Variants in PLCE1 observed in about 807,000 individuals in gnomAD.
PLCE1 encodes the protein phospholipase C epsilon 1, also known as 1-phosphatidylinositol 4,5-bisphosphate phosphodiesterase epsilon-1.
A neutral mutation model predicts 242.8 loss-of-function variants in PLCE1; 119 were observed. That is an observed-to-expected ratio of 0.49 (90% confidence interval 0.42 to 0.57). PLCE1 has a LOEUF of 0.57. PLCE1 is among the 20% of genes least tolerant of loss of function. The probability of loss-of-function intolerance (pLI) is 0.00; values close to 1 mark genes in which losing one functional copy is unlikely to be tolerated. For missense variants in PLCE1, 2,441 were observed against 2,788.8 expected, an observed-to-expected ratio of 0.88 and a Z score of 2.81; for synonymous variants, 945 against 1,017.4, an observed-to-expected ratio of 0.93 and a Z score of 1.35.
At chr10:94,213,939 G>A (rs1362289224) in intron 4 of PLCE1, among the ~76,000 whole-genome samples, 1 of 151,936 alleles carries the variant, frequency 6.6e-6, no homozygotes, top group Non-Finnish European at 1.5e-5. Context: ...GCTTTTATTA[G>A]TCACCACACT....
At chr10:94,003,341 G>A (rs911224333) in intron 1 of PLCE1, among the ~76,000 whole-genome samples, 3 of 152,164 alleles carry the variant, frequency 2.0e-5, no homozygotes, top group Admixed American at 1.3e-4. Flanking sequence ...AAAGGCAGTT[G>A]AATTTTATCA....
chr10:94,288,058 T>A (rs919679729), intron 22 of PLCE1, among the ~76,000 whole-genome samples: 8 of 152,132 alleles, frequency 5.3e-5, no homozygotes, highest in African/African-American at 1.9e-4. Context: ...CAGTTAGGAG[T>A]GCAACCTTGT....
chr10:94,288,144 A>G lies in PLCE1; in HGVS notation c.5035+3179A>G, dbSNP rs371200372. 5.5e-4 allele frequency among the ~76,000 whole-genome samples: 84 copies of G among 152,268 alleles called. 2 individuals carry two copies. In the South Asian group the frequency reaches 0.017, roughly 32 times the overall value. ...TTTTGGTTACATGGATGAATTGTAT[A>G]GTGATGAAGTCTGGGATTTTAGCGC... On this transcript the variant is annotated intron_variant, in intron 22 of 32. Transcript: ENST00000371380.
rs532301825 is a variant in PLCE1, at chr10:94,071,132, A to G, written c.1206+38880A>G. Among the ~76,000 whole-genome samples, 3 of 152,288 alleles carry G rather than the reference A, an allele frequency of 2.0e-5. No individual in the cohort carries two copies. In the East Asian group the frequency reaches 5.8e-4, roughly 29 times the overall value. On this transcript the variant is annotated intron_variant, in intron 2 of 32. Transcript: ENST00000371380. ...GCGGCTGAGCCCTGATCCTGGAGTT[A>G]CTGTGAAATTAACCCCTATTCCACC...
chr10:94,248,563 C>T (rs2050767886), intron 8 of PLCE1, among the ~76,000 whole-genome samples: 1 of 151,484 alleles, frequency 6.6e-6, no homozygotes, highest in Admixed American at 6.6e-5. Flanking sequence ...GCACTCCAGC[C>T]TGGGTGACAG....
chr10:94,168,293 G>T (rs1590171250), intron 3 of PLCE1, among the ~76,000 whole-genome samples: 1 of 152,330 alleles, frequency 6.6e-6, no homozygotes, highest in African/African-American at 2.4e-5. Flanking sequence ...GAGGGAAAGT[G>T]GGAAGTGTTT....
chr10:94,167,328 A>T (rs1487343057), intron 3 of PLCE1, among the ~76,000 whole-genome samples: 1 of 152,050 alleles, frequency 6.6e-6, no homozygotes, highest in Non-Finnish European at 1.5e-5. Context: ...TACATCCAGG[A>T]ACCCTCTTTG....
chr10:94,279,700 T>G, intron 19 of PLCE1, 82 bp from the exon 20 acceptor site: 1 of 1,479,822 alleles, frequency 6.8e-7, no homozygotes, highest in East Asian at 2.3e-5. Context: ...ACGATTGTGT[T>G]AAACATCAGG....
In PLCE1 at chr10:94,069,789, C is replaced by CTG. The variant is rs554681563; in HGVS notation, c.1206+37537_1206+37538insTG. 1.3e-3 allele frequency among the ~76,000 whole-genome samples: 196 copies of CTG among 152,188 alleles called. 1 individual carries two copies. The highest frequency in any genetic ancestry group is 3.9e-3 in the African/African-American group (164 of 41,536). On this transcript the variant is annotated intron_variant, in intron 2 of 32. Coordinates refer to ENST00000371380, the MANE Select transcript of PLCE1 (RefSeq NM_016341.4). ...TATTTTGACAGCATCTGAGACAATC[C>CTG]CCTCTTTTTGAAGCTATCACTTGAG... is the stretch of plus-strand genomic sequence containing the variant.
intron 29 of PLCE1, among the ~76,000 whole-genome samples, chr10:94,320,124 C>T (rs112102320): frequency 1.3e-5 from 2 of 151,920 alleles, no homozygotes; most frequent in Admixed American, 6.6e-5. Flanking sequence ...TGTGAATTAC[C>T]TCTCAATCTT....
chr10:94,007,682 C>G (rs1233923904), intron 1 of PLCE1, among the ~76,000 whole-genome samples: 1 of 144,786 alleles, frequency 6.9e-6, no homozygotes, highest in East Asian at 2.0e-4. Context: ...CTGTTAGTCC[C>G]CATCAAAGCC....
chr10:94,107,934 A>G (rs1275851833), intron 2 of PLCE1: 1 of 152,216 alleles, frequency 6.6e-6, no homozygotes, highest in Admixed American at 6.5e-5. Context: ...AAACGATTGC[A>G]TTAGTTGTTT....
intron 2 of PLCE1, chr10:94,104,283 C>T (rs1168967583): frequency 6.6e-6 from 1 of 152,228 alleles, no homozygotes; most frequent in Non-Finnish European, 1.5e-5. Context: ...AATTAACTGG[C>T]CCAAAATCAC....
chr10:94,089,316 G>T, intron 2 of PLCE1: 1 of 1,613,886 alleles, frequency 6.2e-7, no homozygotes, highest in Non-Finnish European at 8.5e-7. Flanking sequence ...CGCTCTCTGA[G>T]GTACCCAATT....
intron 8 of PLCE1, among the ~76,000 whole-genome samples, chr10:94,251,108 C>G (rs1166028783): frequency 6.6e-6 from 1 of 152,146 alleles, no homozygotes; most frequent in South Asian, 2.1e-4. Context: ...ACACACCCAT[C>G]GAGACTATAT....
At chr10:94,000,854 G>A (rs955331691) in intron 1 of PLCE1, among the ~76,000 whole-genome samples, 2 of 152,184 alleles carry the variant, frequency 1.3e-5, no homozygotes, top group African/African-American at 4.8e-5. Flanking sequence ...AGGAAGCGAG[G>A]TTCCTTCTGC....
chr10:94,035,614 C>A (rs6583923), intron 2 of PLCE1, among the ~76,000 whole-genome samples: 1 of 152,064 alleles, frequency 6.6e-6, no homozygotes, highest in East Asian at 1.9e-4. Context: ...CATTAAGATG[C>A]GGCTGGGGAA....
At chr10:94,062,144 T>C (rs1328199513) in intron 2 of PLCE1, among the ~76,000 whole-genome samples, 1 of 152,230 alleles carries the variant, frequency 6.6e-6, no homozygotes, top group African/African-American at 2.4e-5. Flanking sequence ...TTTTGATAGG[T>C]TGGTGGTTAA....
chr10:94,255,902 ACACACACACACACTCTCTCTCTCT>A (rs976115241), intron 11 of PLCE1, among the ~76,000 whole-genome samples: 2 of 97,802 alleles, frequency 2.0e-5, no homozygotes, highest in Admixed American at 2.0e-4. Context: ...ACACACACAC[ACACACACACACACTCTCTCTCTCT>A]CTCTCTCTCT....
Sources: allele counts gnomAD v4.1 joint callset (sites outside exome capture counted in the v4.1 genomes callset), GRCh38; gene constraint gnomAD v4.1.1; transcripts MANE v1.5; gene names NCBI Gene and HGNC (gene_info 2026-07-23, HGNC 2026-07-21).